PGM3: variants seen among roughly 807,000 people sequenced by gnomAD.
PGM3 encodes the protein phosphoglucomutase 3, also known as phosphoacetylglucosamine mutase.
PGM3 carries 40 observed loss-of-function variants against 66.2 expected under a neutral mutation model. The observed-to-expected ratio is 0.60, with a 90% CI of 0.47 to 0.79. The LOEUF (loss-of-function observed/expected upper bound fraction) is 0.79. PGM3 is among the 30% of genes least tolerant of loss of function. The probability of loss-of-function intolerance (pLI) is 0.00; values close to 1 mark genes in which losing one functional copy is unlikely to be tolerated. For missense variants in PGM3, 537 were observed against 643.4 expected (o/e 0.83, Z 1.79); for synonymous variants, 191 against 224.2 (o/e 0.85, Z 1.32).
chr6:83,190,997 T>C lies in PGM3; in HGVS notation c.16A>G (p.Ile6Val), dbSNP rs774391964. Residue 6 changes from isoleucine (I) to valine (V), a missense_variant, in exon 2 of 13, where the codon ATT (isoleucine) becomes GTT (valine). Ile to Val is a conservative substitution (Grantham distance 29). Coordinates refer to ENST00000513973, the MANE Select transcript of PGM3 (RefSeq NM_015599.3). ...GCGTGTAATGCTGAGTATTTTGTAA[T>C]AGCACCTAAATCCATGTCTACAAAA... MDLGA[I>V]TKYSALHAKP... The C allele has an allele frequency of 6.2e-7, 1 of 1,613,208 alleles. No individual in the cohort carries two copies. Among genetic ancestry groups the C allele is most frequent in the South Asian group, 1.1e-5 (1 of 91,068 alleles).
downstream of PGM3, among the ~76,000 whole-genome samples, chr6:83,156,646 G>A (rs117917800): frequency 0.018 from 2,775 of 152,264 alleles, 51 homozygotes; most frequent in Admixed American, 0.061. Context: ...ATCCAGAACA[G>A]AATTATTTGC....
the PGM3 span, chr6:83,151,542 T>C: frequency 6.8e-7 from 1 of 1,481,324 alleles, no homozygotes; most frequent in South Asian, 1.3e-5. Flanking sequence ...ATCGCATTAG[T>C]TTCTTTTAGC....
At chr6:83,187,228 G>C (rs188518265) in intron 3 of PGM3, among the ~76,000 whole-genome samples, 153 bp from the exon 4 acceptor site, 1 of 152,272 alleles carries the variant, frequency 6.6e-6, no homozygotes, top group Admixed American at 6.5e-5. Flanking sequence ...AAGATAACTG[G>C]TAAATTATAA....
intron 1 of PGM3, 75 bp downstream of exon 1, chr6:83,193,104 C>T (rs146666998): frequency 1.9e-3 from 296 of 152,252 alleles, no homozygotes; most frequent in African/African-American, 5.9e-3. Flanking sequence ...GAGAATCTGA[C>T]CTGTCCCGCT....
At chr6:83,159,058 A>G (rs571445988), downstream of PGM3, among the ~76,000 whole-genome samples, 8 of 152,272 alleles carry the variant, frequency 5.3e-5, no homozygotes, top group Admixed American at 5.2e-4. Flanking sequence ...ATGACTAAAT[A>G]CAATTTTTTA....
At chr6:83,179,674 G>T in intron 7 of PGM3, 136 bp downstream of exon 7, 1 of 617,996 alleles carries the variant, frequency 1.6e-6, no homozygotes. Flanking sequence ...TATTACCACT[G>T]CTCTTTTTTT....
chr6:83,157,422 C>T (rs1049247440), downstream of PGM3: 2 of 1,247,786 alleles, frequency 1.6e-6, no homozygotes, highest in African/African-American at 3.0e-5. Flanking sequence ...GAGAACTGAG[C>T]TGTAGTTAAA....
At chr6:83,153,482 G>A in the PGM3 span, 2 of 1,481,082 alleles carry the variant, frequency 1.4e-6, no homozygotes, top group East Asian at 4.7e-5. Flanking sequence ...CACCTCATAT[G>A]TTACTCTTCA....
downstream of PGM3, among the ~76,000 whole-genome samples, chr6:83,158,214 G>A (rs997301890): frequency 6.6e-6 from 1 of 151,984 alleles, no homozygotes; most frequent in Non-Finnish European, 1.5e-5. Flanking sequence ...TGTTAGCCAG[G>A]ATGGTCTCGA....
At chr6:83,183,507 A>C (rs1788346792) in intron 4 of PGM3, among the ~76,000 whole-genome samples, 1 of 152,204 alleles carries the variant, frequency 6.6e-6, no homozygotes, top group African/African-American at 2.4e-5. Context: ...CCAGTAGAAG[A>C]CCAGACTCTC....
At chr6:83,182,357 C>T (rs562188411) in intron 5 of PGM3, among the ~76,000 whole-genome samples, 25 of 152,280 alleles carry the variant, frequency 1.6e-4, no homozygotes, top group Admixed American at 1.6e-3. Flanking sequence ...CCCAGCTATC[C>T]TCACCCCAAA....
chr6:83,167,951 G>A lies in PGM3; in HGVS notation c.*1283C>T. The A allele has an allele frequency of 6.2e-7, 1 of 1,614,156 alleles. No homozygotes were observed. Among genetic ancestry groups the A allele is most frequent in the Non-Finnish European group, 8.5e-7 (1 of 1,180,018 alleles). On this transcript the variant is annotated 3_prime_UTR_variant, in exon 13 of 13. Coordinates refer to ENST00000513973, the MANE Select transcript of PGM3 (RefSeq NM_015599.3). Reference sequence around the variant, plus strand: ...CCATCTGCACCGTGCGCAGTATGGAGCAGCTCCTGCCGTTCTTCAATGTGC... The same window carrying A: ...CCATCTGCACCGTGCGCAGTATGGAACAGCTCCTGCCGTTCTTCAATGTGC...
intron 10 of PGM3, among the ~76,000 whole-genome samples, chr6:83,173,938 C>A (rs188039083): frequency 6.6e-6 from 1 of 152,002 alleles, no homozygotes; most frequent in East Asian, 1.9e-4. Context: ...AGGTTTCACC[C>A]TGTTAGCCAG....
chr6:83,177,872 A>ACCAC (rs1787895830), intron 8 of PGM3, among the ~76,000 whole-genome samples: 1 of 152,040 alleles, frequency 6.6e-6, no homozygotes, highest in African/African-American at 2.4e-5. Context: ...TAGCCAAAAT[A>ACCAC]CCACCCACTT....
At chr6:83,162,745 A>C (rs772503821), downstream of PGM3, 3 of 1,560,858 alleles carry the variant, frequency 1.9e-6, no homozygotes, top group Admixed American at 3.8e-5. Context: ...CTTAGATGGC[A>C]CAAAGTCTGT....
At chr6:83,161,960 G>T (rs1784336080), downstream of PGM3, among the ~76,000 whole-genome samples, 1 of 152,112 alleles carries the variant, frequency 6.6e-6, no homozygotes, top group African/African-American at 2.4e-5. Flanking sequence ...CTATGTTGCT[G>T]TTAAAAAGAA....
chr6:83,164,738 T>C, downstream of PGM3: 3 of 1,576,502 alleles, frequency 1.9e-6, no homozygotes, highest in Non-Finnish European at 2.6e-6. Flanking sequence ...GGCTGTTTCA[T>C]GCTTATGATA....
At chr6:83,164,749 TG>T (rs1562392613), downstream of PGM3, 2 of 1,561,612 alleles carry the variant, frequency 1.3e-6, no homozygotes, top group Non-Finnish European at 1.7e-6. Context: ...GCTTATGATA[TG>T]GCAGCAAAAG....
At position 83,170,323 on chromosome 6, in the gene PGM3, A is replaced by G. The variant is rs1786842906; in HGVS notation, c.1521T>C (p.Tyr507=). ...AGCTTACTTGTGAGTCTGCTTCTGC[A>G]TATACTCGGACGACATCTTCTGTAC... ...PSGTEDVVRV[Y]AEADSQESAD... The change falls in exon 12 of 13, where the codon TAT becomes TAC. Residue 507 remains tyrosine (Y), a synonymous_variant. Coordinates refer to ENST00000513973, the MANE Select transcript of PGM3 (RefSeq NM_015599.3). 1 of 1,614,186 alleles carries G rather than the reference A, an allele frequency of 6.2e-7. No individual in the cohort carries two copies. Among genetic ancestry groups the G allele is most frequent in the Non-Finnish European group, 8.5e-7 (1 of 1,180,018 alleles).
Sources: allele counts gnomAD v4.1 joint callset (sites outside exome capture counted in the v4.1 genomes callset), GRCh38; gene constraint gnomAD v4.1.1; transcripts MANE v1.5; gene names NCBI Gene and HGNC (gene_info 2026-07-23, HGNC 2026-07-21).